ANKS1B: variants seen among roughly 807,000 people sequenced by gnomAD.
The protein encoded by ANKS1B is ankyrin repeat and sterile alpha motif domain containing 1B.
ANKS1B carries 36 observed loss-of-function variants against 148.3 expected under a neutral mutation model. That is an observed-to-expected ratio of 0.24 (90% CI 0.19 to 0.32). The LOEUF (loss-of-function observed/expected upper bound fraction) is 0.32, where lower values mean the gene tolerates loss of function less well. ANKS1B is among the 10% of genes least tolerant of loss of function. ANKS1B has a pLI of 1.00. For missense variants in ANKS1B, 1,157 were observed against 1,542.6 expected, an observed-to-expected ratio of 0.75 and a Z score of 4.19; for synonymous variants, 542 against 560.8, an observed-to-expected ratio of 0.97 and a Z score of 0.47.
chr12:99,504,942 TC>T (rs1238938755), intron 9 of ANKS1B, among the ~76,000 whole-genome samples: 5 of 152,062 alleles, frequency 3.3e-5, no homozygotes, highest in Non-Finnish European at 5.9e-5. Context: ...TCAACAGTCA[TC>T]CCCAAGACTC....
At chr12:99,308,722 T>TAAGTC (rs1602670429) in intron 12 of ANKS1B, among the ~76,000 whole-genome samples, 1 of 151,866 alleles carries the variant, frequency 6.6e-6, no homozygotes, top group Non-Finnish European at 1.5e-5. Flanking sequence ...TCTATGATAT[T>TAAGTC]AAGTCAAGCC....
chr12:99,692,668 CAAAA>C (rs71088139), intron 8 of ANKS1B, among the ~76,000 whole-genome samples: 6 of 128,430 alleles, frequency 4.7e-5, no homozygotes, highest in East Asian at 2.5e-4. Flanking sequence ...AAGATTCTGT[CAAAA>C]AAAAAAAAAA....
chr12:99,641,041 T>C (rs959844123), intron 9 of ANKS1B, among the ~76,000 whole-genome samples: 1 of 152,168 alleles, frequency 6.6e-6, no homozygotes, highest in Non-Finnish European at 1.5e-5. Context: ...ATACTATACA[T>C]ACTTCCAGAT....
chr12:99,648,136 G>A lies in ANKS1B; in HGVS notation c.1272+6931C>T, dbSNP rs149716372. ...CGCTAAAGCATGTTAAGGAAGGTGT[G>A]GAGCAGCTGCTGGGAACTGTCTTGA... On this transcript the variant is annotated intron_variant, in intron 9 of 26. Transcript: ENST00000683438. 565 of 1,583,584 alleles carry A rather than the reference G, an allele frequency of 3.6e-4. 7 individuals are homozygous for A. In the East Asian group the frequency reaches 0.013, roughly 35 times the overall value.
At chr12:99,442,911 T>C (rs1419556020) in intron 11 of ANKS1B, among the ~76,000 whole-genome samples, 3 of 151,964 alleles carry the variant, frequency 2.0e-5, no homozygotes, top group Non-Finnish European at 4.4e-5. Context: ...ATGAGGCCCA[T>C]TCAGAACGAG....
intron 1 of ANKS1B, among the ~76,000 whole-genome samples, chr12:99,853,034 A>G (rs948704300): frequency 6.6e-6 from 1 of 151,730 alleles, no homozygotes; most frequent in South Asian, 2.1e-4. Context: ...TGGGAACCAA[A>G]CTCCTTTCCC....
At chr12:99,575,691 T>C (rs983205018) in intron 9 of ANKS1B, among the ~76,000 whole-genome samples, 11 of 152,016 alleles carry the variant, frequency 7.2e-5, no homozygotes, top group African/African-American at 2.7e-4. Context: ...TTCAGTTATC[T>C]CCCACTGGGT....
At chr12:99,423,083 A>G (rs1031164273) in intron 11 of ANKS1B, among the ~76,000 whole-genome samples, 2 of 152,182 alleles carry the variant, frequency 1.3e-5, no homozygotes, top group Non-Finnish European at 2.9e-5. Context: ...CTAGGAGGAA[A>G]ATCAGGTATC....
chr12:98,976,068 G>A (rs973822449), intron 17 of ANKS1B, among the ~76,000 whole-genome samples: 1 of 152,218 alleles, frequency 6.6e-6, no homozygotes, highest in Admixed American at 6.5e-5. Flanking sequence ...TGTGCTTAAA[G>A]TGAAAACAAT....
intron 8 of ANKS1B, among the ~76,000 whole-genome samples, chr12:99,680,349 G>A (rs1182922442): frequency 2.6e-5 from 4 of 152,108 alleles, no homozygotes; most frequent in African/African-American, 4.8e-5. Flanking sequence ...GCTGAGGTGC[G>A]AGGATCACCT....
intron 10 of ANKS1B, among the ~76,000 whole-genome samples, chr12:99,463,666 G>A (rs536993389): frequency 3.9e-5 from 6 of 152,300 alleles, no homozygotes; most frequent in East Asian, 1.9e-4. Flanking sequence ...AGGGTCCTAC[G>A]CCCACGGAGT....
chr12:99,317,397 T>A (rs1002744742), intron 12 of ANKS1B, among the ~76,000 whole-genome samples: 1 of 152,224 alleles, frequency 6.6e-6, no homozygotes, highest in Non-Finnish European at 1.5e-5. Context: ...GTAAGTTGGA[T>A]TCCTAGGTAT....
chr12:99,084,967 C>T lies in ANKS1B; in HGVS notation c.2583G>A (p.Gly861=). 1 of 1,610,988 alleles carries T rather than the reference C, an allele frequency of 6.2e-7. No individual in the cohort carries two copies. The highest frequency in any genetic ancestry group is 1.1e-5 in the South Asian group (1 of 90,156). ...TTGCCTGTAGAATTCTTTGTCTGTGCCCAGAATTAAGGATTCCAATTTCCA... is the reference window on the plus strand; with the variant it reads ...TTGCCTGTAGAATTCTTTGTCTGTGTCCAGAATTAAGGATTCCAATTTCCA... ...DLLEIGILNS[G]HRQRILQAIQ... Residue 861 remains glycine (G), a synonymous_variant, in exon 16 of 27, where the codon GGG becomes GGA. Coordinates refer to ENST00000683438, the MANE Select transcript of ANKS1B (RefSeq NM_001352186.2).
chr12:99,545,180 A>G (rs2097161306), intron 9 of ANKS1B, among the ~76,000 whole-genome samples: 1 of 152,164 alleles, frequency 6.6e-6, no homozygotes, highest in Non-Finnish European at 1.5e-5. Context: ...AGGGAGCTCT[A>G]TTTCTATGTC....
At chr12:99,062,108 G>A (rs1056402052) in intron 16 of ANKS1B, among the ~76,000 whole-genome samples, 5 of 152,184 alleles carry the variant, frequency 3.3e-5, no homozygotes, top group Non-Finnish European at 7.3e-5. Flanking sequence ...GGGGAGACAC[G>A]CGGCCTTGGG....
At chr12:98,821,061 C>A (rs2099185898) in intron 19 of ANKS1B, among the ~76,000 whole-genome samples, 1 of 152,164 alleles carries the variant, frequency 6.6e-6, no homozygotes, top group African/African-American at 2.4e-5. Context: ...ATTTGTGCCT[C>A]ACAACAATGA....
chr12:99,517,371 C>CTT (rs78828282), intron 9 of ANKS1B, among the ~76,000 whole-genome samples: 22,193 of 151,862 alleles, frequency 0.15, 3,979 homozygotes, highest in African/African-American at 0.43. Flanking sequence ...TATCCTGACA[C>CTT]TACTAAATTT....
At chr12:99,043,305 A>C (rs2099960275) in intron 17 of ANKS1B, among the ~76,000 whole-genome samples, 1 of 152,240 alleles carries the variant, frequency 6.6e-6, no homozygotes, top group Non-Finnish European at 1.5e-5. Context: ...TTTGTTAAAT[A>C]GTTTTAGTTA....
chr12:99,845,623 T>C (rs1417875531), intron 1 of ANKS1B, among the ~76,000 whole-genome samples: 1 of 152,164 alleles, frequency 6.6e-6, no homozygotes, highest in East Asian at 1.9e-4. Flanking sequence ...TTCAGTTTTC[T>C]GGTAATTTGT....
Sources: gnomAD v4.1 joint callset for allele counts (sites outside exome capture counted in the v4.1 genomes callset) on GRCh38, gnomAD v4.1.1 for gene constraint, MANE v1.5 for transcripts, NCBI Gene and HGNC (gene_info 2026-07-23, HGNC 2026-07-21) for gene names.